The following AGO2 variants were observed in gnomAD, a reference collection of about 807,000 sequenced individuals.
AGO2 encodes argonaute RISC catalytic component 2, also known as protein argonaute-2.
A neutral mutation model predicts 102.3 loss-of-function variants in AGO2; 5 were observed. That is an observed-to-expected ratio of 0.05 (90% CI 0.03 to 0.10). The LOEUF is 0.10. AGO2 is among the 10% of genes least tolerant of loss of function. The pLI is 1.00. For synonymous variants in AGO2, 449 were observed against 473.1 expected, an observed-to-expected ratio of 0.95 and a Z score of 0.66; for missense variants, 541 against 1,183.7, an observed-to-expected ratio of 0.46 and a Z score of 7.97.
intron 16 of AGO2, 52 bp from the exon 17 acceptor site, chr8:140,535,621 A>C: frequency 1.9e-6 from 3 of 1,594,628 alleles, no homozygotes; most frequent in East Asian, 2.2e-5. Flanking sequence ...GGCAGAGCCA[A>C]GCAGGCGGGC....
chr8:140,584,312 C>T (rs1027536336), intron 2 of AGO2, among the ~76,000 whole-genome samples: 1 of 152,068 alleles, frequency 6.6e-6, no homozygotes, highest in Non-Finnish European at 1.5e-5. Context: ...CCGAAACACA[C>T]AAAAAAACAC....
rs1342029409 is a variant in AGO2 at position 140,617,088 on chromosome 8, C to G, written c.22+18397G>C. 4.6e-5 allele frequency among the ~76,000 whole-genome samples: 7 copies of G among 152,356 alleles called. No individual in the cohort carries two copies. The East Asian group carries it at 1.2e-3, about 25-fold the overall frequency. On this transcript the variant is annotated intron_variant, in intron 1 of 18. Coordinates refer to ENST00000220592, the MANE Select transcript of AGO2 (RefSeq NM_012154.5). Reference sequence around the variant, plus strand: ...TGAGAGAGTGGACCCCCCTCATCCCCACACACCTTGTCAGACCCTGTAAGG... The same window carrying G: ...TGAGAGAGTGGACCCCCCTCATCCCGACACACCTTGTCAGACCCTGTAAGG...
chr8:140,587,399 C>CA, intron 1 of AGO2, among the ~76,000 whole-genome samples: 1 of 152,344 alleles, frequency 6.6e-6, no homozygotes, highest in East Asian at 1.9e-4. Flanking sequence ...GCAGAGGGGC[C>CA]AGGGAAGGTC....
chr8:140,544,201 G>A lies in AGO2; in HGVS notation c.1839+12C>T, dbSNP rs767419946. On this transcript the variant is annotated intron_variant, in intron 14 of 18. Coordinates refer to ENST00000220592, the MANE Select transcript of AGO2 (RefSeq NM_012154.5). ...GTCAATGGAAGACCCATGGGGAAGC[G>A]CTGACACTCACGGCGGCAATGGAGG... 2.1e-5 allele frequency: 33 copies of A among 1,578,928 alleles called. No individual in the cohort carries two copies. The highest frequency in any genetic ancestry group is 3.9e-5 in the Admixed American group (2 of 50,830).
chr8:140,621,993 T>C (rs1486436035), intron 1 of AGO2, among the ~76,000 whole-genome samples: 1 of 152,140 alleles, frequency 6.6e-6, no homozygotes, highest in Non-Finnish European at 1.5e-5. Context: ...CTATTTACAA[T>C]AGTCAAAAGG....
At chr8:140,543,643 G>A (rs1051332794) in intron 14 of AGO2, among the ~76,000 whole-genome samples, 1 of 152,130 alleles carries the variant, frequency 6.6e-6, no homozygotes, top group African/African-American at 2.4e-5. Flanking sequence ...ATGGGCGTTC[G>A]CCATGTTGCC....
chr8:140,614,145 T>C (rs188348061), intron 1 of AGO2, among the ~76,000 whole-genome samples: 204 of 150,810 alleles, frequency 1.4e-3, no homozygotes, highest in Middle Eastern at 7.1e-3. Flanking sequence ...GCTAACATGG[T>C]GAAACCCTGT....
intron 3 of AGO2, 117 bp downstream of exon 3, chr8:140,572,695 T>C: frequency 7.1e-7 from 1 of 1,411,150 alleles, no homozygotes; most frequent in Non-Finnish European, 9.5e-7. Flanking sequence ...AGTGAACTGC[T>C]CTCTCCTCCT....
At chr8:140,611,971 T>A (rs2074083506) in intron 1 of AGO2, among the ~76,000 whole-genome samples, 1 of 152,036 alleles carries the variant, frequency 6.6e-6, no homozygotes, top group Non-Finnish European at 1.5e-5. Context: ...ACGCCTGTAA[T>A]CCCAGCACTT....
chr8:140,557,307 C>A lies in AGO2; in HGVS notation c.879-71G>T. The A allele has an allele frequency of 2.0e-6, 3 of 1,514,314 alleles. No homozygotes were observed. The highest frequency in any genetic ancestry group is 2.7e-6 in the Non-Finnish European group (3 of 1,130,452). 93.8% of individuals were successfully genotyped at this position (1,514,314 alleles called of 1,614,324 possible). A position where few individuals can be genotyped will look rare whatever the true frequency, so the allele number is the denominator to read the frequency against. On this transcript the variant is annotated intron_variant, in intron 7 of 18. Coordinates refer to ENST00000220592, the MANE Select transcript of AGO2 (RefSeq NM_012154.5). This position sits in a 1 kb window ranked among gnomAD's most constrained non-coding sequence, Gnocchi z 5.9. ...CTTCCCCTGCGCTGCTTTTCATTTG[C>A]GTTTGCTTTTTAGGGTGACGTGTGA... is the stretch of plus-strand genomic sequence containing the variant.
At chr8:140,556,932 G>A (rs2073105973) in intron 8 of AGO2, among the ~76,000 whole-genome samples, 157 bp downstream of exon 8, 1 of 152,212 alleles carries the variant, frequency 6.6e-6, no homozygotes. Flanking sequence ...AAACCGAGGT[G>A]TAACAAAGCC....
Position 140,523,616 on chromosome 8 carries a change from T to G in AGO2, c.*8428A>C, listed in dbSNP as rs2132832013. On this transcript the variant is annotated 3_prime_UTR_variant, in exon 19 of 19. Transcript: ENST00000220592. The stretch of plus-strand genomic sequence containing the variant: ...TAAAAAATAAAAACTTGCTTGCCTC[T>G]ACAGTTATAAAACATGAATTCATAC... The G allele has an allele frequency of 1.3e-5, 2 of 152,328 alleles. No homozygotes were observed. Among genetic ancestry groups the G allele is most frequent in the Middle Eastern group, 6.8e-3 (2 of 294 alleles). The allele number at this position is 152,328 out of a possible 1,614,324, so 9.4% of individuals were successfully genotyped here.
At chr8:140,621,815 A>C (rs2074220475) in intron 1 of AGO2, among the ~76,000 whole-genome samples, 1 of 152,164 alleles carries the variant, frequency 6.6e-6, no homozygotes, top group Non-Finnish European at 1.5e-5. Flanking sequence ...GACGCGGAGA[A>C]ACTGAACCCT....
chr8:140,544,690 C>T (rs991120286), intron 13 of AGO2, among the ~76,000 whole-genome samples: 2 of 152,218 alleles, frequency 1.3e-5, no homozygotes, highest in Non-Finnish European at 2.9e-5. Flanking sequence ...GGCCAGCTCG[C>T]TCTTTGTTGG....
intron 1 of AGO2, among the ~76,000 whole-genome samples, chr8:140,616,340 C>G (rs529719726): frequency 6.6e-6 from 1 of 152,240 alleles, no homozygotes; most frequent in African/African-American, 2.4e-5. Flanking sequence ...CAGGCACCAA[C>G]GGCTTCCTAT....
chr8:140,549,218 G>A lies in AGO2; in HGVS notation c.1484C>T (p.Ala495Val). ...IQGQPCFCKY[A>V]QGADSVEPMF... is the part of the protein sequence containing the mutation. The stretch of plus-strand genomic sequence containing the variant: ...GGGCTCCACGCTGTCCGCCCCCTGC[G>A]CGTATTTGCAGAAGCACGGCTGGCC... Residue 495 changes from alanine (A) to valine (V), a missense_variant, in exon 12 of 19, where the codon GCG (alanine) becomes GTG (valine). Transcript: ENST00000220592. 2 of 1,613,618 alleles carry A rather than the reference G, an allele frequency of 1.2e-6. No individual in the cohort carries two copies. The highest frequency in any genetic ancestry group is 1.7e-6 in the Non-Finnish European group (2 of 1,179,764).
chr8:140,529,040 AT>A lies in AGO2; in HGVS notation c.*3003del, dbSNP rs1468365044. The A allele has an allele frequency of 6.6e-6, 1 of 152,232 alleles. No individual in the cohort carries two copies. The highest frequency in any genetic ancestry group is 2.4e-5 in the African/African-American group (1 of 41,462). 9.4% of individuals were successfully genotyped at this position (152,232 alleles called of 1,614,324 possible). ...GGGAGACCTCTTTTAAAGAGATGAG[AT>A]AAAATCCCAGTTTTTCTTTTAAACA... On this transcript the variant is annotated 3_prime_UTR_variant, in exon 19 of 19. Coordinates refer to ENST00000220592, the MANE Select transcript of AGO2 (RefSeq NM_012154.5).
intron 1 of AGO2, chr8:140,593,102 C>T (rs897912912): frequency 6.6e-6 from 1 of 152,212 alleles, no homozygotes; most frequent in Admixed American, 6.5e-5. Flanking sequence ...AAACTGAATC[C>T]TTTTTTCACC....
chr8:140,590,043 CCT>C (rs2073724660), intron 1 of AGO2, among the ~76,000 whole-genome samples: 1 of 152,260 alleles, frequency 6.6e-6, no homozygotes, highest in Non-Finnish European at 1.5e-5. Flanking sequence ...AACATCTGCT[CCT>C]GTCAGCCGGA....
Sources: gnomAD v4.1 joint callset for allele counts (sites outside exome capture counted in the v4.1 genomes callset) on GRCh38, gnomAD v4.1.1 for gene constraint, Gnocchi (gnomAD v3.1) non-coding constraint, MANE v1.5 for transcripts, NCBI Gene and HGNC (gene_info 2026-07-23, HGNC 2026-07-21) for gene names.